The following PGA3 variants were observed in gnomAD, a reference collection of about 807,000 sequenced individuals.
PGA3 encodes pepsin A-3.
PGA3 carries 1 observed loss-of-function variant against 15.6 expected under a neutral mutation model. That is an observed-to-expected ratio of 0.06 (90% CI 0.02 to 0.30). PGA3 has a LOEUF of 0.30. PGA3 is among the 10% of genes least tolerant of loss of function. PGA3 has a pLI of 1.00. For missense variants in PGA3, 29 were observed against 183.7 expected, an observed-to-expected ratio of 0.16 and a Z score of 4.87; for synonymous variants, 14 against 79.5, an observed-to-expected ratio of 0.18 and a Z score of 4.38.
At position 61,203,585 on chromosome 11, in the gene PGA3, G is replaced by T. The variant is rs755310535; in HGVS notation, c.21G>T (p.Leu7=). 3.1e-6 allele frequency: 5 copies of T among 1,610,090 alleles called. No homozygotes were observed. In the African/African-American group the frequency reaches 6.7e-5, roughly 22 times the overall value. The change falls in exon 1 of 9, where the codon CTG becomes CTT. Residue 7 remains leucine, a synonymous_variant. Transcript: ENST00000325558. ...GAACCATGAAGTGGCTGCTGCTGCT[G>T]GGTCTGGTGGCACTCTCTGAGTGCA... The part of the protein sequence containing the change: MKWLLL[L]GLVALSECIM...
At chr11:61,211,687 C>T (rs1350201437) in intron 8 of PGA3, among the ~76,000 whole-genome samples, 3 of 150,290 alleles carry the variant, frequency 2.0e-5, no homozygotes, top group South Asian at 4.2e-4. Context: ...TCTATTTGGA[C>T]CCCTGGGTCC....
chr11:61,205,213 C>T (rs1385396880), intron 2 of PGA3, among the ~76,000 whole-genome samples: 4 of 151,894 alleles, frequency 2.6e-5, no homozygotes, highest in African/African-American at 9.7e-5. Flanking sequence ...GGAATTAACA[C>T]GATCATGTTT....
In PGA3 at chr11:61,203,542, C is replaced by T. The variant is rs781489413; in HGVS notation, c.-23C>T. On this transcript the variant is annotated 5_prime_UTR_variant, in exon 1 of 9. Transcript: ENST00000325558. ...CTTCCTCCCGTCTTGCCTTCTCCCTCGAGTTGGGACCCGGGAAGAACCATG... is the reference window on the plus strand; with the variant it reads ...CTTCCTCCCGTCTTGCCTTCTCCCTTGAGTTGGGACCCGGGAAGAACCATG... 9 of 1,611,758 alleles carry T rather than the reference C, an allele frequency of 5.6e-6. No homozygotes were observed. The highest frequency in any genetic ancestry group is 2.2e-5 in the East Asian group (1 of 44,896).
intron 2 of PGA3, chr11:61,204,624 C>G (rs1442267890): frequency 2.1e-6 from 1 of 485,486 alleles, no homozygotes; most frequent in African/African-American, 1.9e-5. Context: ...AGGAGGACTA[C>G]AGAGTGACGG....
intron 8 of PGA3, among the ~76,000 whole-genome samples, chr11:61,211,782 A>T (rs1388695792): frequency 6.6e-6 from 1 of 150,928 alleles, no homozygotes; most frequent in Non-Finnish European, 1.5e-5. Context: ...CAAAAAGTAG[A>T]GATGGCAGCT....
rs1853892648 is a variant in PGA3, at chr11:61,203,734, C to G, written c.56+114C>G. 30 of 1,571,212 alleles carry G rather than the reference C, an allele frequency of 1.9e-5. No individual in the cohort carries two copies. In the South Asian group the frequency reaches 3.3e-4, roughly 17 times the overall value. ...TCTCTATTCAGCTGTCTCCATCCCC[C>G]TTTTCCGCCTCTCTCTCTGCCTTTT... On this transcript the variant is annotated intron_variant, in intron 1 of 8. Transcript: ENST00000325558.
At chr11:61,204,896 G>A (rs1225957317) in intron 2 of PGA3, among the ~76,000 whole-genome samples, 1 of 152,198 alleles carries the variant, frequency 6.6e-6, no homozygotes, top group African/African-American at 2.4e-5. Context: ...TTAAACAGGG[G>A]TGTGACAAGA....
At chr11:61,205,832 A>G (rs1853920731) in intron 2 of PGA3, 1 of 102,100 alleles carries the variant, frequency 9.8e-6, no homozygotes, top group Non-Finnish European at 2.3e-5. Flanking sequence ...CCCCGTCTCT[A>G]CTAAAAATAC....
intron 2 of PGA3, among the ~76,000 whole-genome samples, chr11:61,205,484 A>C (rs1422186877): frequency 6.6e-6 from 1 of 152,124 alleles, no homozygotes; most frequent in Non-Finnish European, 1.5e-5. Context: ...GGGAACAAAA[A>C]GATTGAGAGG....
In PGA3 at chr11:61,211,620, G is replaced by A. The variant is rs1248801116; in HGVS notation, c.1017+185G>A. On this transcript the variant is annotated intron_variant, in intron 8 of 8. Transcript: ENST00000325558. ...AAAACAAATGCAGGAATAAGAACTC[G>A]GATACAGCCCCCTAAGGGAACAAGT... 6.0e-5 allele frequency among the ~76,000 whole-genome samples: 9 copies of A among 149,480 alleles called. No homozygotes were observed. The South Asian group carries it at 6.3e-4, about 10-fold the overall frequency.
chr11:61,211,071 A>G lies in PGA3; in HGVS notation c.774-19A>G. 3.1e-6 allele frequency: 1 copy of G among 320,466 alleles called. No individual in the cohort carries two copies. Among genetic ancestry groups the G allele is most frequent in the South Asian group, 2.5e-5 (1 of 39,330 alleles). 19.9% of individuals were successfully genotyped at this position (320,466 alleles called of 1,614,324 possible). A position where few individuals can be genotyped will look rare whatever the true frequency, so the allele number is the denominator to read the frequency against. ...TACCCCTGAGAGCTCAGGGAGCTTA[A>G]CTTGCTTCTTGCCCTCAGCATCACC... is the stretch of plus-strand genomic sequence containing the variant. On this transcript the variant is annotated intron_variant, in intron 6 of 8. Coordinates refer to ENST00000325558, the MANE Select transcript of PGA3 (RefSeq NM_001079807.4).
Position 61,211,359 on chromosome 11 carries a change from T to C in PGA3, c.941T>C (p.Ile314Thr), listed in dbSNP as rs1304506480. 8.0e-7 allele frequency: 1 copy of C among 1,248,172 alleles called. No individual in the cohort carries two copies. The highest frequency in any genetic ancestry group is 1.5e-5 in the African/African-American group (1 of 66,396). 77.3% of individuals were successfully genotyped at this position (1,248,172 alleles called of 1,614,324 possible). A position where few individuals can be genotyped will look rare whatever the true frequency, so the allele number is the denominator to read the frequency against. ...DGDMVVSCSA[I>T]SSLPDIVFTI... Reference sequence around the variant, plus strand: ...CAGATGGTGGTCAGCTGCTCAGCCATCAGCAGCCTGCCCGACATCGTCTTC... The same window carrying C: ...CAGATGGTGGTCAGCTGCTCAGCCACCAGCAGCCTGCCCGACATCGTCTTC... Residue 314 changes from isoleucine to threonine, a missense_variant, in exon 8 of 9, where the codon ATC (isoleucine) becomes ACC (threonine). By Grantham distance (89) the Ile-to-Thr change is moderately conservative. Transcript: ENST00000325558.
At chr11:61,211,655 G>A (rs74328087) in intron 8 of PGA3, among the ~76,000 whole-genome samples, 40,515 of 140,182 alleles carry the variant, frequency 0.29, 6,775 homozygotes, top group Middle Eastern at 0.4. Context: ...TGAAGCAAAG[G>A]TTAATGGAGT....
In PGA3 at chr11:61,211,201, C is replaced by A. The variant is rs1244565635; in HGVS notation, c.885C>A (p.Ser295Arg). Residue 295 changes from serine to arginine, a missense_variant, in exon 7 of 9, where the codon AGC becomes AGA. Physicochemically the swap from Ser to Arg is moderately radical, Grantham distance 110. This residue lies in a region of PGA3 where 10 missense variants were observed against 59.0 expected (regional missense o/e 0.17). Coordinates refer to ENST00000325558, the MANE Select transcript of PGA3 (RefSeq NM_001079807.4). ...CCAGCCCCATTGCCAACATCCAGAGCGACATCGGAGCCAGCGAGAACTCAG... is the reference window on the plus strand; with the variant it reads ...CCAGCCCCATTGCCAACATCCAGAGAGACATCGGAGCCAGCGAGAACTCAG... ...GPTSPIANIQ[S>R]DIGASENSDG... The A allele has an allele frequency of 1.8e-6, 1 of 543,010 alleles. No individual in the cohort carries two copies. Among genetic ancestry groups the A allele is most frequent in the South Asian group, 2.0e-5 (1 of 50,760 alleles). 33.6% of individuals were successfully genotyped at this position (543,010 alleles called of 1,614,324 possible). A position where few individuals can be genotyped will look rare whatever the true frequency, so the allele number is the denominator to read the frequency against.
chr11:61,205,040 C>G (rs4414241), intron 2 of PGA3, among the ~76,000 whole-genome samples: 2 of 151,784 alleles, frequency 1.3e-5, no homozygotes, highest in East Asian at 3.8e-4. Context: ...CAGTGATGCC[C>G]GTGGTTCAGA....
chr11:61,204,992 G>A (rs1179947708), intron 2 of PGA3, among the ~76,000 whole-genome samples: 2 of 152,184 alleles, frequency 1.3e-5, no homozygotes, highest in African/African-American at 2.4e-5. Context: ...GATATTGTAT[G>A]TCCCCTCTGT....
chr11:61,212,793 AG>A lies in PGA3; in HGVS notation c.*95del, dbSNP rs1171831262. Reference sequence around the variant, plus strand: ...TCTAATTCTCCTGACTGTTCTTCCCAGGGGAGTGTGGAGGTCTTGGCCCTGT... The same window carrying A: ...TCTAATTCTCCTGACTGTTCTTCCCAGGGAGTGTGGAGGTCTTGGCCCTGT... On this transcript the variant is annotated 3_prime_UTR_variant, in exon 9 of 9. Transcript: ENST00000325558. The A allele has an allele frequency of 3.3e-4, 15 of 44,892 alleles. No homozygotes were observed. The highest frequency in any genetic ancestry group is 1.8e-3 in the African/African-American group (14 of 7,722). The allele number at this position is 44,892 out of a possible 1,614,324, so 2.8% of individuals were successfully genotyped here. A position where few individuals can be genotyped will look rare whatever the true frequency, so the allele number is the denominator to read the frequency against.
rs187892909 is a variant in PGA3 at position 61,203,738 on chromosome 11, T to A, written c.56+118T>A. ...TATTCAGCTGTCTCCATCCCCCTTT[T>A]CCGCCTCTCTCTCTGCCTTTTTGGG... On this transcript the variant is annotated intron_variant, in intron 1 of 8. Coordinates refer to ENST00000325558, the MANE Select transcript of PGA3 (RefSeq NM_001079807.4). 9,220 of 1,558,744 alleles carry A rather than the reference T, an allele frequency of 5.9e-3. 35 individuals are homozygous for A. Among genetic ancestry groups the A allele is most frequent in the Middle Eastern group, 0.033 (141 of 4,316 alleles).
chr11:61,212,037 G>A, intron 8 of PGA3: 1 of 347,846 alleles, frequency 2.9e-6, no homozygotes, highest in Non-Finnish European at 5.6e-6. Flanking sequence ...AAGAAGCACT[G>A]ATGCCTGGGC....
Sources: gnomAD v4.1 joint callset for allele counts (sites outside exome capture counted in the v4.1 genomes callset) on GRCh38, gnomAD v4.1.1 for gene constraint, gnomAD v4.1.1 regional missense constraint, MANE v1.5 for transcripts, NCBI Gene and HGNC (gene_info 2026-07-23, HGNC 2026-07-21) for gene names.